SMURF2: variants seen among roughly 807,000 people sequenced by gnomAD.
The protein encoded by SMURF2 is SMAD specific E3 ubiquitin protein ligase 2.
In SMURF2, 48 loss-of-function variants were observed where a neutral mutation model predicts 109.6. The ratio of observed to expected loss-of-function variants is 0.44; its 90% CI spans 0.35 to 0.56. The LOEUF (loss-of-function observed/expected upper bound fraction) is 0.56, where lower values mean the gene tolerates loss of function less well. SMURF2 is among the 20% of genes least tolerant of loss of function. The probability of loss-of-function intolerance (pLI) is 0.01; values close to 1 mark genes in which losing one functional copy is unlikely to be tolerated. For synonymous variants in SMURF2, 288 were observed against 317.1 expected (o/e 0.91, Z 0.97); for missense variants, 575 against 909.0 (o/e 0.63, Z 4.72).
chr17:64,606,372 A>C (rs1425794586), intron 2 of SMURF2, among the ~76,000 whole-genome samples: 1 of 152,222 alleles, frequency 6.6e-6, no homozygotes, highest in African/African-American at 2.4e-5. Context: ...ATACACACTC[A>C]TTCTCATAAA....
rs140462333 is a variant in SMURF2, at chr17:64,614,835, G to A, written c.53-8195C>T. ...TAAGACATAGTCCTTTGCTCTCAGA[G>A]CTCACAGGTCAGGTATAATTCAAAT... is the stretch of plus-strand genomic sequence containing the variant. On this transcript the variant is annotated intron_variant, in intron 1 of 18. Coordinates refer to ENST00000262435, the MANE Select transcript of SMURF2 (RefSeq NM_022739.4). 7.1e-3 allele frequency among the ~76,000 whole-genome samples: 1,074 copies of A among 152,310 alleles called. 14 individuals carry two copies. Among genetic ancestry groups the A allele is most frequent in the African/African-American group, 0.024 (984 of 41,564 alleles).
chr17:64,651,202 T>C (rs1290534601), intron 1 of SMURF2, among the ~76,000 whole-genome samples: 1 of 144,304 alleles, frequency 6.9e-6, no homozygotes, highest in Admixed American at 6.9e-5. Context: ...CTCAGAAATA[T>C]ATATATTTTT....
chr17:64,610,974 C>T (rs140326716), intron 1 of SMURF2, among the ~76,000 whole-genome samples: 1 of 152,272 alleles, frequency 6.6e-6, no homozygotes, highest in Non-Finnish European at 1.5e-5. Flanking sequence ...CTGCTGACTA[C>T]TCCCTCTTCT....
At chr17:64,613,696 G>C (rs1555689805) in intron 1 of SMURF2, among the ~76,000 whole-genome samples, 11 of 126,846 alleles carry the variant, frequency 8.7e-5, no homozygotes, top group Non-Finnish European at 1.5e-4. Flanking sequence ...GTGTGTGTGT[G>C]TGTGTGTGTG....
At chr17:64,595,962 C>T (rs1367037623) in intron 3 of SMURF2, among the ~76,000 whole-genome samples, 1 of 152,028 alleles carries the variant, frequency 6.6e-6, no homozygotes, top group Non-Finnish European at 1.5e-5. Flanking sequence ...CAAAATGGTA[C>T]CCACCAACCA....
At chr17:64,611,102 A>G (rs1269759730) in intron 1 of SMURF2, among the ~76,000 whole-genome samples, 2 of 152,196 alleles carry the variant, frequency 1.3e-5, no homozygotes, top group Non-Finnish European at 2.9e-5. Context: ...GAAGTTCTTC[A>G]GGGTTTTGCC....
Position 64,562,986 on chromosome 17 carries a change from T to C in SMURF2, c.1017-20A>G. On this transcript the variant is annotated intron_variant, in intron 10 of 18. Coordinates refer to ENST00000262435, the MANE Select transcript of SMURF2 (RefSeq NM_022739.4). ...TGCCGACTAGAAGTAAACATAGATG[T>C]TATTATTAAAGTATATCAAATTTTA... The C allele has an allele frequency of 6.3e-7, 1 of 1,577,670 alleles. No homozygotes were observed.
intron 10 of SMURF2, among the ~76,000 whole-genome samples, chr17:64,563,649 A>T (rs1969258619): frequency 6.6e-6 from 1 of 152,236 alleles, no homozygotes; most frequent in Non-Finnish European, 1.5e-5. Context: ...GTAAAATCCA[A>T]AGCCATAAAA....
rs76653725 is a variant in SMURF2 at position 64,578,457 on chromosome 17, T to C, written c.857+35A>G. 2.9e-3 allele frequency: 3,922 copies of C among 1,365,590 alleles called. 86 individuals are homozygous for C. In the African/African-American group the frequency reaches 0.051, roughly 18 times the overall value. 84.6% of individuals were successfully genotyped at this position (1,365,590 alleles called of 1,614,324 possible). On this transcript the variant is annotated intron_variant, in intron 9 of 18. Coordinates refer to ENST00000262435, the MANE Select transcript of SMURF2 (RefSeq NM_022739.4). ...AGAAATCCTAGGTGAAATGGCTCTT[T>C]GATGGTCTAAAGAGTGCTTAAAATA...
intron 1 of SMURF2, among the ~76,000 whole-genome samples, chr17:64,650,629 G>A (rs145185410): frequency 1.3e-4 from 19 of 148,302 alleles, no homozygotes; most frequent in South Asian, 2.2e-4. Context: ...TCAGGAGTTC[G>A]TGACCAGCCT....
chr17:64,581,074 T>A lies in SMURF2; in HGVS notation c.570-83A>T. 1 of 999,076 alleles carries A rather than the reference T, an allele frequency of 1.0e-6. No homozygotes were observed. The highest frequency in any genetic ancestry group is 1.5e-6 in the Non-Finnish European group (1 of 645,348). The allele number at this position is 999,076 out of a possible 1,614,324, so 61.9% of individuals were successfully genotyped here. On this transcript the variant is annotated intron_variant, in intron 7 of 18. Coordinates refer to ENST00000262435, the MANE Select transcript of SMURF2 (RefSeq NM_022739.4). This position sits in a 1 kb window ranked among gnomAD's most constrained non-coding sequence, Gnocchi z 4.3. ...TCTAGACAATATATATATACTGCAG[T>A]AACAACCACTTATCATGTCTGAAAA... is the stretch of plus-strand genomic sequence containing the variant.
intron 2 of SMURF2, among the ~76,000 whole-genome samples, chr17:64,605,085 CAGTT>C (rs1224478065): frequency 6.6e-6 from 1 of 151,908 alleles, no homozygotes; most frequent in East Asian, 1.9e-4. Context: ...AAGTACACCT[CAGTT>C]AGTAGCAACA....
chr17:64,588,417 ATTAAG>A (rs1228314741), intron 5 of SMURF2, among the ~76,000 whole-genome samples: 58 of 152,230 alleles, frequency 3.8e-4, no homozygotes, highest in African/African-American at 1.3e-3. Flanking sequence ...TTTTTTAATT[ATTAAG>A]TTATGATATA....
At chr17:64,566,836 C>T (rs1969319755) in intron 10 of SMURF2, among the ~76,000 whole-genome samples, 1 of 150,252 alleles carries the variant, frequency 6.7e-6, no homozygotes, top group Non-Finnish European at 1.5e-5. Context: ...TCCCAAAGCG[C>T]TGGGATTACA....
At chr17:64,595,754 G>GA (rs11436847) in intron 3 of SMURF2, among the ~76,000 whole-genome samples, 36,516 of 152,106 alleles carry the variant, frequency 0.24, 9,238 homozygotes, top group African/African-American at 0.64. Flanking sequence ...ATAAGTACAA[G>GA]AAAGATGTTC....
chr17:64,614,487 TTCA>T (rs1260346399), intron 1 of SMURF2, among the ~76,000 whole-genome samples: 8 of 152,240 alleles, frequency 5.3e-5, no homozygotes, highest in African/African-American at 1.9e-4. Flanking sequence ...CTTATACTAC[TTCA>T]TCATGTTACT....
chr17:64,610,977 C>T (rs184269638), intron 1 of SMURF2, among the ~76,000 whole-genome samples: 4 of 152,262 alleles, frequency 2.6e-5, no homozygotes, highest in East Asian at 3.9e-4. Context: ...CTGACTACTC[C>T]CTCTTCTAGA....
intron 1 of SMURF2, among the ~76,000 whole-genome samples, chr17:64,637,131 T>G (rs1970427950): frequency 6.8e-6 from 1 of 147,164 alleles, no homozygotes; most frequent in African/African-American, 2.5e-5. Context: ...TCTAAGAGAT[T>G]TTTTTTTTTT....
chr17:64,543,992 T>C lies in SMURF2; in HGVS notation c.*1856A>G, dbSNP rs1968910972. On this transcript the variant is annotated 3_prime_UTR_variant, in exon 19 of 19. Transcript: ENST00000262435. ...TATTACCACTGCACAGTTACAACTATGACTAGCTTGCTTGTGGCAGTTGAA... is the reference window on the plus strand; with the variant it reads ...TATTACCACTGCACAGTTACAACTACGACTAGCTTGCTTGTGGCAGTTGAA... The C allele has an allele frequency of 6.6e-6, 1 of 152,238 alleles. No individual in the cohort carries two copies. Among genetic ancestry groups the C allele is most frequent in the Admixed American group, 6.5e-5 (1 of 15,280 alleles). 9.4% of individuals were successfully genotyped at this position (152,238 alleles called of 1,614,324 possible). A position where few individuals can be genotyped will look rare whatever the true frequency, so the allele number is the denominator to read the frequency against.
Sources: allele counts gnomAD v4.1 joint callset (sites outside exome capture counted in the v4.1 genomes callset), GRCh38; gene constraint gnomAD v4.1.1; non-coding constraint Gnocchi (gnomAD v3.1); transcripts MANE v1.5; gene names NCBI Gene and HGNC (gene_info 2026-07-23, HGNC 2026-07-21).